NT5C3B: variants seen among roughly 807,000 people sequenced by gnomAD.
NT5C3B encodes 5'-nucleotidase, cytosolic IIIB.
In NT5C3B, 28 loss-of-function variants were observed where a neutral mutation model predicts 32.5. The ratio of observed to expected loss-of-function variants is 0.86; its 90% CI spans 0.64 to 1.18. The LOEUF is 1.18. Ranked by LOEUF, NT5C3B falls within the 50% of genes most tolerant of loss-of-function variation. The pLI is 0.00. For missense variants in NT5C3B, 317 were observed against 322.0 expected, an observed-to-expected ratio of 0.98 and a Z score of 0.12; for synonymous variants, 138 against 118.0, an observed-to-expected ratio of 1.17 and a Z score of -1.10.
In NT5C3B at chr17:41,830,836, T is replaced by C; in HGVS notation, c.369A>G (p.Ile123Met). The C allele has an allele frequency of 1.2e-6, 2 of 1,611,796 alleles. No individual in the cohort carries two copies. The highest frequency in any genetic ancestry group is 1.7e-6 in the Non-Finnish European group (2 of 1,178,730). Residue 123 changes from isoleucine (I) to methionine (M), a missense_variant, in exon 6 of 9, where the codon ATA (isoleucine) becomes ATG (methionine). Physicochemically the swap from Ile to Met is conservative, Grantham distance 10 (BLOSUM62 1). Coordinates refer to ENST00000435506, the MANE Select transcript of NT5C3B (RefSeq NM_052935.5). ...CATTGGACTCTCTAACCACCTGGGC[T>C]ATCTGAAACTTCTGAATCTTCTGCT... ...LCQQKIQKFQ[I>M]AQVVRESNAM...
intron 8 of NT5C3B, among the ~76,000 whole-genome samples, chr17:41,826,720 G>A (rs999733279): frequency 2.6e-5 from 4 of 151,660 alleles, no homozygotes; most frequent in Non-Finnish European, 5.9e-5. Flanking sequence ...TTTTATTTAG[G>A]CTGGGCGTGG....
In NT5C3B at chr17:41,828,834, G is replaced by A. The variant is rs1555618597; in HGVS notation, c.523C>T (p.Pro175Ser). 1.2e-6 allele frequency: 2 copies of A among 1,613,844 alleles called. No homozygotes were observed. Among genetic ancestry groups the A allele is most frequent in the African/African-American group, 2.7e-5 (2 of 74,896 alleles). ...EIIRQMKVFH[P>S]NIHIVSNYMD... ...TAGTTAGACACGATGTGGATGTTGG[G>A]GTGGAACACTTTCATCTGTCGGATA... is the stretch of plus-strand genomic sequence containing the variant. Residue 175 changes from proline to serine, a missense_variant, in exon 7 of 9, where the codon CCC becomes TCC. Coordinates refer to ENST00000435506, the MANE Select transcript of NT5C3B (RefSeq NM_052935.5).
In NT5C3B at chr17:41,836,230, G is replaced by T. The variant is rs1054747418; in HGVS notation, c.-37C>A. ...CCTGGTCGGCGGCTCGCGGGACAACGACAGCCCCGCGACCGCACTGCGCAG... is the reference window on the plus strand; with the variant it reads ...CCTGGTCGGCGGCTCGCGGGACAACTACAGCCCCGCGACCGCACTGCGCAG... On this transcript the variant is annotated 5_prime_UTR_variant, in exon 1 of 9. Transcript: ENST00000435506. The T allele has an allele frequency of 6.8e-6, 8 of 1,173,882 alleles. No individual in the cohort carries two copies. Among genetic ancestry groups the T allele is most frequent in the Admixed American group, 4.6e-5 (1 of 21,674 alleles). The allele number at this position is 1,173,882 out of a possible 1,614,324, so 72.7% of individuals were successfully genotyped here.
chr17:41,832,887 T>C (rs1470811537), intron 4 of NT5C3B, among the ~76,000 whole-genome samples: 1 of 152,148 alleles, frequency 6.6e-6, no homozygotes, highest in Admixed American at 6.5e-5. Context: ...AAAAAGAAGA[T>C]GCAACTTCAT....
rs573870902 is a variant in NT5C3B, at chr17:41,826,141, G to A, written c.769-484C>T. ...ATGACACTCCAGCCTAGGTGACAGA[G>A]TGAGGCCCTGTCTCAAAAAAAAAAA... On this transcript the variant is annotated intron_variant, in intron 8 of 8. Transcript: ENST00000435506. 9.9e-5 allele frequency among the ~76,000 whole-genome samples: 15 copies of A among 150,806 alleles called. No homozygotes were observed. The East Asian group carries it at 2.9e-3, about 29-fold the overall frequency.
At chr17:41,835,453 G>C (rs1555619772) in intron 2 of NT5C3B, 181 bp from the exon 3 acceptor site, 3 of 651,232 alleles carry the variant, frequency 4.6e-6, no homozygotes, top group Admixed American at 4.8e-5. Context: ...ATTAGTACCC[G>C]TTAACCCTGA....
chr17:41,835,178 C>G (rs373664607), intron 3 of NT5C3B, 25 bp downstream of exon 3: 57 of 1,613,694 alleles, frequency 3.5e-5, no homozygotes, highest in Non-Finnish European at 4.6e-5. Flanking sequence ...TCAAGCTCAA[C>G]AAGGGAAGCT....
In NT5C3B at chr17:41,828,937, G is replaced by A. The variant is rs782528098; in HGVS notation, c.420C>T (p.Thr140=). Residue 140 remains threonine (T), a synonymous_variant, in exon 7 of 9, where the codon ACC becomes ACT. Coordinates refer to ENST00000435506, the MANE Select transcript of NT5C3B (RefSeq NM_052935.5). ...SNAMLREGYK[T]FFNTLYHNNI... ...TGTTATGGTAGAGTGTGTTGAAGAAGGTCTTATATCCCTCCCTGAAAAGAG... is the reference window on the plus strand; with the variant it reads ...TGTTATGGTAGAGTGTGTTGAAGAAAGTCTTATATCCCTCCCTGAAAAGAG... 1 of 1,612,366 alleles carries A rather than the reference G, an allele frequency of 6.2e-7. No homozygotes were observed. The highest frequency in any genetic ancestry group is 8.5e-7 in the Non-Finnish European group (1 of 1,178,762).
In NT5C3B at chr17:41,828,926, G is replaced by A; in HGVS notation, c.431C>T (p.Thr144Ile). The A allele has an allele frequency of 6.2e-7, 1 of 1,613,772 alleles. No individual in the cohort carries two copies. ...LREGYKTFFNTLYHNNIPLFI... is the reference protein window; with the variant it reads ...LREGYKTFFNILYHNNIPLFI... ...AAGGGGAATGTTGTTATGGTAGAGT[G>A]TGTTGAAGAAGGTCTTATATCCCTC... Residue 144 changes from threonine to isoleucine, a missense_variant, in exon 7 of 9, where the codon ACA becomes ATA. Physicochemically the swap from Thr to Ile is moderately conservative, Grantham distance 89. Coordinates refer to ENST00000435506, the MANE Select transcript of NT5C3B (RefSeq NM_052935.5).
In NT5C3B at chr17:41,828,852, G is replaced by A. The variant is rs1250774379; in HGVS notation, c.505C>T (p.Gln169Ter). 8.7e-6 allele frequency: 14 copies of A among 1,613,758 alleles called. No homozygotes were observed. The highest frequency in any genetic ancestry group is 3.3e-5 in the Admixed American group (2 of 59,974). ...ATGTTGGGGTGGAACACTTTCATCT[G>A]TCGGATAATTTCTTCCAGGATATCA... ...IGDILEEIIR[Q>*]MKVFHPNIHI... The change falls in exon 7 of 9, where the codon CAG (glutamine) becomes TAG (stop). Residue 169 changes from glutamine (Q) to a stop codon, truncating the protein, a stop_gained. Transcript: ENST00000435506. LOFTEE classifies it high-confidence loss of function.
intron 5 of NT5C3B, among the ~76,000 whole-genome samples, chr17:41,832,087 T>C (rs2048061369): frequency 6.6e-6 from 1 of 151,960 alleles, no homozygotes; most frequent in African/African-American, 2.4e-5. Flanking sequence ...ATTCACCTAG[T>C]CTGTTATTCT....
rs782206412 is a variant in NT5C3B, at chr17:41,830,794, C to T, written c.404+7G>A. ...GATAGAAATGTTTTCCAGAGCAAGA[C>T]GCTTACCTGAGCATTGCATTGGACT... is the stretch of plus-strand genomic sequence containing the variant. On this transcript the variant is annotated splice_region_variant and intron_variant, in intron 6 of 8. Coordinates refer to ENST00000435506, the MANE Select transcript of NT5C3B (RefSeq NM_052935.5). 5.7e-6 allele frequency: 9 copies of T among 1,576,336 alleles called. No homozygotes were observed. The highest frequency in any genetic ancestry group is 1.7e-5 in the Admixed American group (1 of 59,914).
rs947764309 is a variant in NT5C3B at position 41,835,070 on chromosome 17, C to A, written c.228G>T (p.Glu76Asp). 6.2e-7 allele frequency: 1 copy of A among 1,614,132 alleles called. No homozygotes were observed. Among genetic ancestry groups the A allele is most frequent in the Non-Finnish European group, 8.5e-7 (1 of 1,179,992 alleles). Residue 76 changes from glutamate (E) to aspartate (D), a missense_variant and splice_region_variant, in exon 4 of 9, where the codon GAG becomes GAT. By Grantham distance (45) the Glu-to-Asp change is conservative. Coordinates refer to ENST00000435506, the MANE Select transcript of NT5C3B (RefSeq NM_052935.5). The stretch of plus-strand genomic sequence containing the variant: ...TGAGCAAAGGACGGGAGCAACCCAC[C>A]TCTTTCCGACACTCCTCACTGATGA... ...SKIISEECRK[E>D]LTALLHHYYP...
At chr17:41,831,876 G>A (rs1555619102) in intron 5 of NT5C3B, among the ~76,000 whole-genome samples, 1 of 152,048 alleles carries the variant, frequency 6.6e-6, no homozygotes, top group East Asian at 1.9e-4. Flanking sequence ...GTAACATGGT[G>A]AGACCCCATC....
intron 4 of NT5C3B, among the ~76,000 whole-genome samples, chr17:41,833,921 T>C (rs1246770075): frequency 6.6e-6 from 1 of 152,098 alleles, no homozygotes; most frequent in Non-Finnish European, 1.5e-5. Flanking sequence ...AAAATGAGAA[T>C]TGACCAAGTA....
intron 6 of NT5C3B, among the ~76,000 whole-genome samples, chr17:41,830,518 G>A (rs1357068547): frequency 1.3e-5 from 2 of 152,070 alleles, no homozygotes; most frequent in African/African-American, 4.8e-5. Flanking sequence ...GAGAAGAGAA[G>A]AGAAGAGAAG....
Position 41,825,367 on chromosome 17 carries a change from G to A in NT5C3B, c.*156C>T. 1.6e-6 allele frequency: 1 copy of A among 616,738 alleles called. No homozygotes were observed. The highest frequency in any genetic ancestry group is 2.8e-6 in the Non-Finnish European group (1 of 356,328). 38.2% of individuals were successfully genotyped at this position (616,738 alleles called of 1,614,324 possible). On this transcript the variant is annotated 3_prime_UTR_variant, in exon 9 of 9. Coordinates refer to ENST00000435506, the MANE Select transcript of NT5C3B (RefSeq NM_052935.5). Reference sequence around the variant, plus strand: ...ATGGCGGGGTTCCTTCAAGCCTCTGGTGATGAAGGTGCTCAGGGAAAGGAG... The same window carrying A: ...ATGGCGGGGTTCCTTCAAGCCTCTGATGATGAAGGTGCTCAGGGAAAGGAG...
Position 41,825,486 on chromosome 17 carries a change from T to A in NT5C3B, c.*37A>T. 1 of 859,832 alleles carries A rather than the reference T, an allele frequency of 1.2e-6. No individual in the cohort carries two copies. The highest frequency in any genetic ancestry group is 1.3e-5 in the South Asian group (1 of 75,504). The allele number at this position is 859,832 out of a possible 1,614,324, so 53.3% of individuals were successfully genotyped here. ...GCAGACTCTGGGGAGGCGCCCCTCCTCACCACGGCCTGCAGGCCGGGCTGG... is the reference window on the plus strand; with the variant it reads ...GCAGACTCTGGGGAGGCGCCCCTCCACACCACGGCCTGCAGGCCGGGCTGG... On this transcript the variant is annotated 3_prime_UTR_variant, in exon 9 of 9. Coordinates refer to ENST00000435506, the MANE Select transcript of NT5C3B (RefSeq NM_052935.5).
chr17:41,829,272 C>T (rs1357074757), intron 6 of NT5C3B, among the ~76,000 whole-genome samples: 2 of 152,154 alleles, frequency 1.3e-5, no homozygotes, highest in Non-Finnish European at 2.9e-5. Flanking sequence ...CCCACCCACC[C>T]TGGCCTCCCA....
Sources: allele counts gnomAD v4.1 joint callset (sites outside exome capture counted in the v4.1 genomes callset), GRCh38; gene constraint gnomAD v4.1.1; transcripts MANE v1.5; gene names NCBI Gene and HGNC (gene_info 2026-07-23, HGNC 2026-07-21).